Variants in SYT8 observed in about 807,000 individuals in gnomAD.
SYT8 encodes the protein synaptotagmin-8.
In SYT8, 50 loss-of-function variants were observed where a neutral mutation model predicts 34.9. The observed-to-expected ratio is 1.43, with a 90% CI of 1.14 to 1.81. The LOEUF (loss-of-function observed/expected upper bound fraction) is 1.81, where lower values mean the gene tolerates loss of function less well. Ranked by LOEUF, SYT8 falls within the 40% of genes most tolerant of loss-of-function variation. The pLI is 0.00. For missense variants in SYT8, 595 were observed against 529.0 expected (o/e 1.12, Z -1.22); for synonymous variants, 255 against 234.2 (o/e 1.09, Z -0.81).
chr11:1,832,379 G>A (rs776562256), upstream of SYT8, among the ~76,000 whole-genome samples: 1 of 152,178 alleles, frequency 6.6e-6, no homozygotes, highest in Non-Finnish European at 1.5e-5. Context: ...AGGAGGGACC[G>A]TCTCCCTTTC....
chr11:1,832,356 G>A (rs6578853), upstream of SYT8, among the ~76,000 whole-genome samples: 2 of 152,218 alleles, frequency 1.3e-5, no homozygotes, highest in East Asian at 3.9e-4. Flanking sequence ...CGGTGGCCAG[G>A]GGGGAGCCGG....
upstream of SYT8, among the ~76,000 whole-genome samples, chr11:1,832,712 A>G (rs1037974986): frequency 6.6e-6 from 1 of 152,174 alleles, no homozygotes; most frequent in Non-Finnish European, 1.5e-5. Context: ...TGGGACCCCC[A>G]GCATCGGCAG....
upstream of SYT8, chr11:1,834,515 C>G (rs1467175376): frequency 4.6e-6 from 7 of 1,508,860 alleles, no homozygotes; most frequent in East Asian, 1.5e-4. This position sits in a 1 kb window ranked among gnomAD's most constrained non-coding sequence, Gnocchi z 4.5. Context: ...CCTGCTCCTC[C>G]CGCCATGACC....
chr11:1,832,601 C>A (rs572209013), upstream of SYT8, among the ~76,000 whole-genome samples: 4 of 152,294 alleles, frequency 2.6e-5, no homozygotes, highest in East Asian at 7.7e-4. Context: ...GAGGCCGGGT[C>A]CCGAGGGGCG....
rs747961481 is a variant in SYT8, at chr11:1,835,866, C to A, written c.259-20C>A. The A allele has an allele frequency of 6.2e-7, 1 of 1,605,614 alleles. No homozygotes were observed. The highest frequency in any genetic ancestry group is 8.5e-7 in the Non-Finnish European group (1 of 1,173,496). ...GGCATGATGTCAGCACCACCTGCCC[C>A]TTGTCCCAACTCACTCCAGGTGCAA... On this transcript the variant is annotated intron_variant, in intron 2 of 7. Transcript: ENST00000341958.
chr11:1,834,430 C>T (rs117301354), upstream of SYT8: 3,807 of 755,360 alleles, frequency 5.0e-3, 33 homozygotes, highest in Middle Eastern at 0.019. This position sits in a 1 kb window ranked among gnomAD's most constrained non-coding sequence, Gnocchi z 4.5. Flanking sequence ...CATCCTCAGG[C>T]GCTGCGGCCC....
Position 1,837,288 on chromosome 11 carries a change from C to G in SYT8, c.1021C>G (p.Pro341Ala). The change falls in exon 8 of 8, where the codon CCC (proline) becomes GCC (alanine). Residue 341 changes from proline to alanine, a missense_variant. By Grantham distance (27) the Pro-to-Ala change is conservative. Coordinates refer to ENST00000341958, the MANE Select transcript of SYT8 (RefSeq NM_001394072.1). ...VHLGARASGQ[P>A]LQHWADMLAH... ...CCTGGGTGCCCGGGCCTCGGGGCAGCCCCTGCAGCACTGGGCAGACATGCT... is the reference window on the plus strand; with the variant it reads ...CCTGGGTGCCCGGGCCTCGGGGCAGGCCCTGCAGCACTGGGCAGACATGCT... The G allele has an allele frequency of 6.3e-7, 1 of 1,588,126 alleles. No individual in the cohort carries two copies. The highest frequency in any genetic ancestry group is 8.5e-7 in the Non-Finnish European group (1 of 1,171,928).
chr11:1,835,690 G>C, intron 2 of SYT8, 196 bp from the exon 3 acceptor site: 1 of 737,670 alleles, frequency 1.4e-6, no homozygotes, highest in South Asian at 1.7e-5. Context: ...GAGGAAGGCA[G>C]GGGGTACCCC....
rs1333857291 is a variant in SYT8, at chr11:1,837,003, G to A, written c.837G>A (p.Lys279=). 6.2e-7 allele frequency: 1 copy of A among 1,613,858 alleles called. No individual in the cohort carries two copies. The highest frequency in any genetic ancestry group is 1.7e-5 in the Admixed American group (1 of 60,030). ...TCATGCTGAACCAGAGGAAGTGGAA[G>A]AAGAGAAAGACAGCCACCAAAAAGG... ...VQLMLNQRKW[K]KRKTATKKGT... is the part of the protein sequence containing the mutation. Residue 279 remains lysine (K), a synonymous_variant, in exon 7 of 8, where the codon AAG becomes AAA. Coordinates refer to ENST00000341958, the MANE Select transcript of SYT8 (RefSeq NM_001394072.1).
chr11:1,833,294 A>G (rs1846735914), upstream of SYT8, among the ~76,000 whole-genome samples: 1 of 152,188 alleles, frequency 6.6e-6, no homozygotes, highest in Non-Finnish European at 1.5e-5. Context: ...CCCACACTGC[A>G]TCTGCAGGGG....
rs908949233 is a variant in SYT8, at chr11:1,835,377, G to A, written c.176G>A (p.Cys59Tyr). 6.2e-6 allele frequency: 10 copies of A among 1,606,968 alleles called. No individual in the cohort carries two copies. The highest frequency in any genetic ancestry group is 8.5e-6 in the Non-Finnish European group (10 of 1,178,856). Residue 59 changes from cysteine to tyrosine, a missense_variant, in exon 2 of 8, where the codon TGC (cysteine) becomes TAC (tyrosine). Coordinates refer to ENST00000341958, the MANE Select transcript of SYT8 (RefSeq NM_001394072.1). ...VSCLLCAACCCCRRHRKKPRD... is the reference protein window; with the variant it reads ...VSCLLCAACCYCRRHRKKPRD... The stretch of plus-strand genomic sequence containing the variant: ...TGCCTCCTCTGTGCTGCCTGCTGCT[G>A]CTGCCGCCGCCACAGGAAGAAGCCC...
At position 1,836,047 on chromosome 11, in the gene SYT8, A is replaced by C. The variant is rs769901218; in HGVS notation, c.357+63A>C. On this transcript the variant is annotated intron_variant, in intron 3 of 7. Coordinates refer to ENST00000341958, the MANE Select transcript of SYT8 (RefSeq NM_001394072.1). ...AGTTTCCGGAAAGGGTGACGGGGGA[A>C]GGGCAGACCCCATGCCCTGGGTGGT... is the stretch of plus-strand genomic sequence containing the variant. 3.8e-6 allele frequency: 6 copies of C among 1,579,556 alleles called. No homozygotes were observed. In the African/African-American group the frequency reaches 8.2e-5, roughly 22 times the overall value.
At chr11:1,831,937 T>G, upstream of SYT8, 5 of 358,020 alleles carry the variant, frequency 1.4e-5, no homozygotes, top group Non-Finnish European at 2.8e-5. Context: ...GCCCCAGCAC[T>G]CGGGGAAACG....
At chr11:1,832,611 G>A (rs969642304), upstream of SYT8, among the ~76,000 whole-genome samples, 2 of 152,166 alleles carry the variant, frequency 1.3e-5, no homozygotes, top group East Asian at 3.9e-4. Context: ...CCCGAGGGGC[G>A]GACGGCGCCA....
At chr11:1,833,160 C>T (rs1490462865), upstream of SYT8, among the ~76,000 whole-genome samples, 1 of 152,178 alleles carries the variant, frequency 6.6e-6, no homozygotes, top group Admixed American at 6.5e-5. Context: ...CCTGCGGACC[C>T]AGCCCATTCC....
In SYT8 at chr11:1,837,489, C is replaced by A; in HGVS notation, c.*58C>A. On this transcript the variant is annotated 3_prime_UTR_variant, in exon 8 of 8. Transcript: ENST00000341958. ...CCAGGCACTTGCCCAGGCCGCCCTGCAGGACCACTGCAATAAACGCCTTCT... is the reference window on the plus strand; with the variant it reads ...CCAGGCACTTGCCCAGGCCGCCCTGAAGGACCACTGCAATAAACGCCTTCT... 1 of 1,579,198 alleles carries A rather than the reference C, an allele frequency of 6.3e-7. No homozygotes were observed. Among genetic ancestry groups the A allele is most frequent in the Admixed American group, 1.8e-5 (1 of 56,898 alleles).
Position 1,837,021 on chromosome 11 carries a change from C to G in SYT8, c.855C>G (p.Thr285=). The change falls in exon 7 of 8, where the codon ACC becomes ACG. Residue 285 remains threonine (T), a synonymous_variant. Transcript: ENST00000341958. The stretch of plus-strand genomic sequence containing the variant: ...AGTGGAAGAAGAGAAAGACAGCCAC[C>G]AAAAAGGGCACGGCGGCCCCCTACT... The part of the protein sequence containing the change: ...QRKWKKRKTA[T]KKGTAAPYFN... The G allele has an allele frequency of 6.2e-7, 1 of 1,613,868 alleles. No individual in the cohort carries two copies. Among genetic ancestry groups the G allele is most frequent in the Non-Finnish European group, 8.5e-7 (1 of 1,180,014 alleles).
At chr11:1,834,965 C>G, upstream of SYT8, 1 of 822,314 alleles carries the variant, frequency 1.2e-6, no homozygotes, top group Non-Finnish European at 1.9e-6. The surrounding 1 kb of genome is among the most constrained non-coding windows in gnomAD (Gnocchi z 4.5). Context: ...CCCCTGGCCA[C>G]CCCGTGCTGC....
chr11:1,835,414 G>T lies in SYT8; in HGVS notation c.213G>T (p.Glu71Asp). The change falls in exon 2 of 8, where the codon GAG becomes GAT. Residue 71 changes from glutamate to aspartate, a missense_variant. Coordinates refer to ENST00000341958, the MANE Select transcript of SYT8 (RefSeq NM_001394072.1). Reference protein sequence around the residue: ...RRHRKKPRDKESVGLGSARGT... With the variant: ...RRHRKKPRDKDSVGLGSARGT... ...ACAGGAAGAAGCCCAGGGACAAGGAGTCCGTGGGTCTGGGCAGTGCCCGCG... is the reference window on the plus strand; with the variant it reads ...ACAGGAAGAAGCCCAGGGACAAGGATTCCGTGGGTCTGGGCAGTGCCCGCG... 3 of 1,609,712 alleles carry T rather than the reference G, an allele frequency of 1.9e-6. No homozygotes were observed. The highest frequency in any genetic ancestry group is 2.5e-6 in the Non-Finnish European group (3 of 1,179,532).
Sources: allele counts gnomAD v4.1 joint callset (sites outside exome capture counted in the v4.1 genomes callset), GRCh38; gene constraint gnomAD v4.1.1; non-coding constraint Gnocchi (gnomAD v3.1); transcripts MANE v1.5; gene names NCBI Gene and HGNC (gene_info 2026-07-23, HGNC 2026-07-21).